The following NRP1 variants were observed in gnomAD, a reference collection of about 807,000 sequenced individuals.
NRP1 encodes the protein neuropilin 1, also known as neuropilin-1.
In NRP1, 35 loss-of-function variants were observed where a neutral mutation model predicts 106.7. That is an observed-to-expected ratio of 0.33 (90% CI 0.25 to 0.43). The LOEUF is 0.43. NRP1 is among the 20% of genes least tolerant of loss of function. The pLI is 1.00. For missense variants in NRP1, 1,024 were observed against 1,170.4 expected, an observed-to-expected ratio of 0.87 and a Z score of 1.83; for synonymous variants, 437 against 417.9, an observed-to-expected ratio of 1.05 and a Z score of -0.56.
chr10:33,189,338 A>T (rs1836251466), intron 13 of NRP1, among the ~76,000 whole-genome samples: 1 of 152,136 alleles, frequency 6.6e-6, no homozygotes. Context: ...CACACCAAAC[A>T]TGAGCCAGTA....
At chr10:33,271,530 A>G (rs1490173558) in intron 2 of NRP1, among the ~76,000 whole-genome samples, 1 of 152,238 alleles carries the variant, frequency 6.6e-6, no homozygotes, top group African/African-American at 2.4e-5. Flanking sequence ...CTTTGTTTAT[A>G]CCCACTAGTC....
chr10:33,265,367 G>C (rs1842853257), intron 3 of NRP1, among the ~76,000 whole-genome samples: 1 of 152,082 alleles, frequency 6.6e-6, no homozygotes, highest in Non-Finnish European at 1.5e-5. Flanking sequence ...GACGTGATGG[G>C]GCCCCGGCAA....
chr10:33,250,427 C>A (rs1841770929), intron 6 of NRP1, among the ~76,000 whole-genome samples: 2 of 152,172 alleles, frequency 1.3e-5, no homozygotes, highest in African/African-American at 4.8e-5. Context: ...GAACCTGAAG[C>A]TAAGCTTTTG....
intron 8 of NRP1, among the ~76,000 whole-genome samples, chr10:33,216,659 C>G (rs1404776166): frequency 1.3e-5 from 2 of 150,504 alleles, no homozygotes; most frequent in African/African-American, 4.9e-5. Flanking sequence ...CCAGGCTGCT[C>G]TCAAACTACT....
At chr10:33,267,580 G>T (rs913237139) in intron 3 of NRP1, among the ~76,000 whole-genome samples, 1 of 152,096 alleles carries the variant, frequency 6.6e-6, no homozygotes, top group Non-Finnish European at 1.5e-5. Context: ...TCAGTAAATG[G>T]CACCCACCCC....
At chr10:33,241,638 T>A (rs1015959861) in intron 6 of NRP1, among the ~76,000 whole-genome samples, 1 of 151,882 alleles carries the variant, frequency 6.6e-6, no homozygotes, top group Non-Finnish European at 1.5e-5. Flanking sequence ...TGCTGTTGTA[T>A]GTGTGTGGTG....
Position 33,334,428 on chromosome 10 carries a change from T to G in NRP1, c.-46A>C. On this transcript the variant is annotated 5_prime_UTR_variant, in exon 1 of 17. Coordinates refer to ENST00000374867, the MANE Select transcript of NRP1 (RefSeq NM_003873.7). Reference sequence around the variant, plus strand: ...AGGCAGACGCGGGAGAACGAGGACGTGGGGGGAAATGCAGCAAAGAGGAGA... The same window carrying G: ...AGGCAGACGCGGGAGAACGAGGACGGGGGGGGAAATGCAGCAAAGAGGAGA... 6.7e-7 allele frequency: 1 copy of G among 1,487,820 alleles called. No individual in the cohort carries two copies. Among genetic ancestry groups the G allele is most frequent in the Non-Finnish European group, 9.1e-7 (1 of 1,099,806 alleles). The allele number at this position is 1,487,820 out of a possible 1,614,324, so 92.2% of individuals were successfully genotyped here. A position where few individuals can be genotyped will look rare whatever the true frequency, so the allele number is the denominator to read the frequency against.
chr10:33,182,107 AAAG>A (rs1239187786), intron 16 of NRP1, among the ~76,000 whole-genome samples: 1 of 152,130 alleles, frequency 6.6e-6, no homozygotes, highest in Non-Finnish European at 1.5e-5. Flanking sequence ...GAAAAAAAGA[AAAG>A]AAAAAGATCA....
In NRP1 at chr10:33,217,004, G is replaced by T. The variant is rs115543348; in HGVS notation, c.1283-3287C>A. 3.6e-3 allele frequency among the ~76,000 whole-genome samples: 554 copies of T among 152,104 alleles called. 6 individuals carry two copies. Among genetic ancestry groups the T allele is most frequent in the African/African-American group, 0.013 (537 of 41,500 alleles). On this transcript the variant is annotated intron_variant, in intron 8 of 16. Transcript: ENST00000374867. ...CTCCAGGCTGGGATCTGGAAACCAA[G>T]AATATACTCAGTCGGGATTAAAAAA...
chr10:33,324,662 G>A (rs1847762153), intron 2 of NRP1, among the ~76,000 whole-genome samples: 1 of 152,068 alleles, frequency 6.6e-6, no homozygotes, highest in African/African-American at 2.4e-5. Flanking sequence ...TTGAGACGGA[G>A]TTTTGCTCCT....
At chr10:33,321,866 A>G (rs1847535549) in intron 2 of NRP1, among the ~76,000 whole-genome samples, 1 of 152,212 alleles carries the variant, frequency 6.6e-6, no homozygotes, top group South Asian at 2.1e-4. Flanking sequence ...GCAGTCTATC[A>G]TAGAAGCAGC....
intron 4 of NRP1, 82 bp from the exon 5 acceptor site, chr10:33,256,553 C>A: frequency 6.8e-7 from 1 of 1,475,014 alleles, no homozygotes; most frequent in Non-Finnish European, 9.4e-7. Flanking sequence ...CAAAGATGGG[C>A]CCCAGTAGAA....
Position 33,256,423 on chromosome 10 carries a change from A to G in NRP1, c.707T>C (p.Ile236Thr). The G allele has an allele frequency of 6.2e-7, 1 of 1,614,226 alleles. No homozygotes were observed. Among genetic ancestry groups the G allele is most frequent in the Non-Finnish European group, 8.5e-7 (1 of 1,180,034 alleles). The part of the protein sequence containing the change: ...RYCGQKTPGR[I>T]RSSSGILSMV... Reference sequence around the variant, plus strand: ...GGAGAGAATGCCCGATGAGGATCGGATTCGACCTGGTGTTTTCTGTCCACA... The same window carrying G: ...GGAGAGAATGCCCGATGAGGATCGGGTTCGACCTGGTGTTTTCTGTCCACA... Residue 236 changes from isoleucine to threonine, a missense_variant, in exon 5 of 17, where the codon ATC becomes ACC. Coordinates refer to ENST00000374867, the MANE Select transcript of NRP1 (RefSeq NM_003873.7).
chr10:33,310,177 C>T (rs1323839914), intron 2 of NRP1, among the ~76,000 whole-genome samples: 10 of 150,924 alleles, frequency 6.6e-5, no homozygotes, highest in African/African-American at 2.4e-4. Flanking sequence ...TCTTGATCTC[C>T]TGACCTCATG....
chr10:33,259,694 A>G (rs951586476), intron 4 of NRP1, among the ~76,000 whole-genome samples: 2 of 152,202 alleles, frequency 1.3e-5, no homozygotes, highest in Non-Finnish European at 2.9e-5. Context: ...CTGTTTAAAG[A>G]TATGCCTACA....
At chr10:33,308,370 G>A (rs1267479626) in intron 2 of NRP1, among the ~76,000 whole-genome samples, 4 of 148,584 alleles carry the variant, frequency 2.7e-5, no homozygotes, top group African/African-American at 5.0e-5. Flanking sequence ...TAAAACAAAA[G>A]TTTTATATAT....
chr10:33,186,444 C>A lies in NRP1; in HGVS notation c.2107G>T (p.Gly703Cys). 1 of 1,613,934 alleles carries A rather than the reference C, an allele frequency of 6.2e-7. No individual in the cohort carries two copies. Among genetic ancestry groups the A allele is most frequent in the Non-Finnish European group, 8.5e-7 (1 of 1,179,914 alleles). Residue 703 changes from glycine (G) to cysteine (C), a missense_variant, in exon 14 of 17, where the codon GGC (glycine) becomes TGC (cysteine). Transcript: ENST00000374867. ...IYSQADENQK[G>C]KVARLVSPVV... The stretch of plus-strand genomic sequence containing the variant: ...GGGCTCACCAGGCGAGCCACTTTGC[C>A]CTTCTGATTTTCGTCAGCTTGGGAA...
In NRP1 at chr10:33,207,475, A is replaced by G. The variant is rs948676237; in HGVS notation, c.1759+97T>C. ...CGAGATAAGGGGCCTCCCAAGGGAAAAGGGTAGGCAATTTGCAAAGGCACC... is the reference window on the plus strand; with the variant it reads ...CGAGATAAGGGGCCTCCCAAGGGAAGAGGGTAGGCAATTTGCAAAGGCACC... On this transcript the variant is annotated intron_variant, in intron 10 of 16. Transcript: ENST00000374867. 2.9e-6 allele frequency: 4 copies of G among 1,377,944 alleles called. No individual in the cohort carries two copies. In the African/African-American group the frequency reaches 4.3e-5, roughly 15 times the overall value. The allele number at this position is 1,377,944 out of a possible 1,614,324, so 85.4% of individuals were successfully genotyped here.
intron 2 of NRP1, among the ~76,000 whole-genome samples, chr10:33,324,015 C>A (rs760485180): frequency 5.3e-5 from 8 of 152,156 alleles, no homozygotes; most frequent in African/African-American, 7.2e-5. Context: ...TTTCAACCAA[C>A]CTTCTCCTTT....
Sources: allele counts gnomAD v4.1 joint callset (sites outside exome capture counted in the v4.1 genomes callset), GRCh38; gene constraint gnomAD v4.1.1; transcripts MANE v1.5; gene names NCBI Gene and HGNC (gene_info 2026-07-23, HGNC 2026-07-21).